Variants in SH3RF3 observed in about 807,000 individuals in gnomAD.
SH3RF3 encodes SH3 domain containing ring finger 3, also known as E3 ubiquitin-protein ligase SH3RF3.
Under a neutral mutation model 66.3 loss-of-function variants are expected in SH3RF3, and 29 were observed. The observed-to-expected ratio is 0.44, with a 90% CI of 0.33 to 0.60. The LOEUF (loss-of-function observed/expected upper bound fraction) is 0.60, where lower values mean the gene tolerates loss of function less well. Among genes scored for constraint, SH3RF3 ranks in the 20% least tolerant of loss-of-function variants. The probability of loss-of-function intolerance (pLI) is 0.04; values close to 1 mark genes in which losing one functional copy is unlikely to be tolerated. For synonymous variants in SH3RF3, 583 were observed against 532.0 expected, an observed-to-expected ratio of 1.10 and a Z score of -1.32; for missense variants, 1,194 against 1,190.9, an observed-to-expected ratio of 1.00 and a Z score of -0.04.
At chr2:109,275,176 A>G (rs990700332) in intron 1 of SH3RF3, among the ~76,000 whole-genome samples, 10 of 152,256 alleles carry the variant, frequency 6.6e-5, no homozygotes, top group East Asian at 1.9e-4. Context: ...GCTTTGCACA[A>G]TCATCATGAA....
intron 8 of SH3RF3, among the ~76,000 whole-genome samples, chr2:109,452,677 GGT>G (rs1677913561): frequency 6.6e-6 from 1 of 152,220 alleles, no homozygotes; most frequent in Non-Finnish European, 1.5e-5. Context: ...TGTGTTGTGT[GGT>G]GTCAGTGGCT....
chr2:109,185,056 C>T (rs933991073), intron 1 of SH3RF3, among the ~76,000 whole-genome samples: 5 of 152,174 alleles, frequency 3.3e-5, no homozygotes, highest in Non-Finnish European at 7.3e-5. Flanking sequence ...TTGTGTATTT[C>T]GATTCCCTTT....
chr2:109,401,155 G>A (rs1383705690), intron 4 of SH3RF3, among the ~76,000 whole-genome samples: 1 of 152,280 alleles, frequency 6.6e-6, no homozygotes, highest in East Asian at 1.9e-4. Context: ...TGCTAAGACT[G>A]GGGGGAGCTC....
intron 4 of SH3RF3, 138 bp downstream of exon 4, chr2:109,399,081 C>T: frequency 7.8e-6 from 8 of 1,032,182 alleles, no homozygotes; most frequent in Non-Finnish European, 1.1e-5. Flanking sequence ...TGGGGTTTGC[C>T]CTTTGCTGCC....
rs187986308 is a variant in SH3RF3, at chr2:109,350,177, C to T, written c.849+2228C>T. On this transcript the variant is annotated intron_variant, in intron 2 of 9. Coordinates refer to ENST00000309415, the MANE Select transcript of SH3RF3 (RefSeq NM_001099289.3). Reference sequence around the variant, plus strand: ...AGGCTTAGACTCATTCTGCGGTTGGCATGTGGGGTGGGGGTAGCCGAGCAG... The same window carrying T: ...AGGCTTAGACTCATTCTGCGGTTGGTATGTGGGGTGGGGGTAGCCGAGCAG... Among the ~76,000 whole-genome samples the T allele has an allele frequency of 2.6e-5, 4 of 152,292 alleles. No homozygotes were observed. In the East Asian group the frequency reaches 5.8e-4, roughly 22 times the overall value.
At position 109,130,093 on chromosome 2, in the gene SH3RF3, A is replaced by G; in HGVS notation, c.553A>G (p.Arg185Gly). Residue 185 changes from arginine (R) to glycine (G), a missense_variant, in exon 1 of 10, where the codon AGG (arginine) becomes GGG (glycine). By Grantham distance (125) the Arg-to-Gly change is moderately radical (BLOSUM62 -2). Coordinates refer to ENST00000309415, the MANE Select transcript of SH3RF3 (RefSeq NM_001099289.3). ...AGSLRELATS[R>G]TAPAAKNPCL... ...CAGTCTGCGGGAGCTGGCGACCAGC[A>G]GGACCGCGCCGGCGGCAAAGGTGAG... 7.4e-7 allele frequency: 1 copy of G among 1,353,714 alleles called. No individual in the cohort carries two copies. The highest frequency in any genetic ancestry group is 3.1e-5 in the East Asian group (1 of 32,298). The allele number at this position is 1,353,714 out of a possible 1,614,324, so 83.9% of individuals were successfully genotyped here. A position where few individuals can be genotyped will look rare whatever the true frequency, so the allele number is the denominator to read the frequency against.
chr2:109,485,653 C>T (rs1209278902), intron 8 of SH3RF3, among the ~76,000 whole-genome samples: 1 of 152,222 alleles, frequency 6.6e-6, no homozygotes, highest in Non-Finnish European at 1.5e-5. Flanking sequence ...TTTTAAATAT[C>T]AGATTTCTAG....
rs186472643 is a variant in SH3RF3, at chr2:109,279,023, A to G, written c.574-68651A>G. Among the ~76,000 whole-genome samples, 104 of 152,226 alleles carry G rather than the reference A, an allele frequency of 6.8e-4. 2 individuals carry two copies. Among genetic ancestry groups the G allele is most frequent in the African/African-American group, 2.1e-3 (87 of 41,522 alleles). The stretch of plus-strand genomic sequence containing the variant: ...GTTGGTGTGCTTGTACTTGATTTTG[A>G]AGTTATCTTTCTTCCAGGGTGATGG... On this transcript the variant is annotated intron_variant, in intron 1 of 9. Coordinates refer to ENST00000309415, the MANE Select transcript of SH3RF3 (RefSeq NM_001099289.3).
intron 4 of SH3RF3, among the ~76,000 whole-genome samples, chr2:109,407,940 A>G (rs1240836506): frequency 6.6e-6 from 1 of 152,156 alleles, no homozygotes. Context: ...GGGTGCTGGC[A>G]GTGTTTCTTT....
rs542770217 is a variant in SH3RF3, at chr2:109,387,918, C to T, written c.946-10672C>T. On this transcript the variant is annotated intron_variant, in intron 3 of 9. Transcript: ENST00000309415. ...GCACACGGCCCTTCCTGACTCGTTC[C>T]ACTGCTCCCACACTGGCCCAGATTC... Among the ~76,000 whole-genome samples, 87 of 152,146 alleles carry T rather than the reference C, an allele frequency of 5.7e-4. 2 individuals carry two copies. The South Asian group carries it at 0.016, about 29-fold the overall frequency.
At chr2:109,464,152 A>G (rs1002223513) in intron 8 of SH3RF3, among the ~76,000 whole-genome samples, 1 of 152,198 alleles carries the variant, frequency 6.6e-6, no homozygotes, top group Non-Finnish European at 1.5e-5. Flanking sequence ...TTCCAGGGAC[A>G]AGAGCTCACC....
chr2:109,206,657 T>A (rs1678848819), intron 1 of SH3RF3, among the ~76,000 whole-genome samples: 2 of 151,768 alleles, frequency 1.3e-5, no homozygotes, highest in Non-Finnish European at 2.9e-5. Flanking sequence ...AAAAAAAAAT[T>A]TTTTTTAAAT....
At chr2:109,452,901 C>G (rs1389600046) in intron 8 of SH3RF3, among the ~76,000 whole-genome samples, 4 of 142,038 alleles carry the variant, frequency 2.8e-5, no homozygotes, top group Non-Finnish European at 6.1e-5. Flanking sequence ...GGAGGCTGGT[C>G]CCGGGAGGCT....
chr2:109,257,143 A>T (rs1473860353), intron 1 of SH3RF3, among the ~76,000 whole-genome samples: 1 of 152,214 alleles, frequency 6.6e-6, no homozygotes, highest in African/African-American at 2.4e-5. Context: ...TGCAGCCGAC[A>T]TTCACTCAGC....
At chr2:109,387,202 G>GC (rs1293935969) in intron 3 of SH3RF3, among the ~76,000 whole-genome samples, 1 of 152,110 alleles carries the variant, frequency 6.6e-6, no homozygotes, top group Non-Finnish European at 1.5e-5. Flanking sequence ...CAGTATTTCT[G>GC]CCTGGCTTTT....
At chr2:109,225,199 C>A (rs1301686227) in intron 1 of SH3RF3, among the ~76,000 whole-genome samples, 2 of 152,132 alleles carry the variant, frequency 1.3e-5, no homozygotes, top group African/African-American at 4.8e-5. Flanking sequence ...TTCTATCTTG[C>A]CCCATTCTTG....
chr2:109,194,132 G>A (rs1440901004), intron 1 of SH3RF3, among the ~76,000 whole-genome samples: 3 of 152,260 alleles, frequency 2.0e-5, no homozygotes, highest in African/African-American at 7.2e-5. Context: ...TGCTGTTGAT[G>A]GAGTCACTGT....
chr2:109,399,007 G>A (rs1368550995), intron 4 of SH3RF3, 64 bp downstream of exon 4: 1 of 1,480,958 alleles, frequency 6.8e-7, no homozygotes, highest in East Asian at 2.4e-5. Context: ...TCAGCTCCGT[G>A]TTCAGTGTCC....
intron 1 of SH3RF3, among the ~76,000 whole-genome samples, chr2:109,222,969 C>T (rs757306852): frequency 4.6e-5 from 7 of 152,260 alleles, no homozygotes; most frequent in Non-Finnish European, 7.3e-5. Context: ...CATACTCTCC[C>T]ATCAACAGGG....
Sources: gnomAD v4.1 joint callset for allele counts (sites outside exome capture counted in the v4.1 genomes callset) on GRCh38, gnomAD v4.1.1 for gene constraint, MANE v1.5 for transcripts, NCBI Gene and HGNC (gene_info 2026-07-23, HGNC 2026-07-21) for gene names.